The following AKAP6 variants were observed in gnomAD, a reference collection of about 807,000 sequenced individuals.
AKAP6 encodes A-kinase anchor protein 6.
Under a neutral mutation model 188.5 loss-of-function variants are expected in AKAP6, and 58 were observed. The ratio of observed to expected loss-of-function variants is 0.31; its 90% CI spans 0.25 to 0.38. AKAP6 has a LOEUF of 0.38. Ranked by LOEUF, AKAP6 falls within the 10% of genes least tolerant of loss-of-function variation. AKAP6 has a pLI of 1.00. For missense variants in AKAP6, 2,710 were observed against 2,740.0 expected (o/e 0.99, Z 0.24); for synonymous variants, 989 against 998.6 (o/e 0.99, Z 0.18).
At chr14:32,453,580 T>C (rs8006870) in intron 2 of AKAP6, among the ~76,000 whole-genome samples, 1,687 of 8,420 alleles carry the variant, frequency 0.2, 68 homozygotes, top group African/African-American at 0.47. Context: ...CTTTTCTTTT[T>C]TTTTTTTTTT....
At chr14:32,404,823 G>A (rs1276718128) in intron 1 of AKAP6, among the ~76,000 whole-genome samples, 1 of 150,128 alleles carries the variant, frequency 6.7e-6, no homozygotes, top group Non-Finnish European at 1.5e-5. Flanking sequence ...AAGTACAAAG[G>A]GTAGTGCAAT....
chr14:32,387,785 G>T (rs1221523183), intron 1 of AKAP6, among the ~76,000 whole-genome samples: 2 of 150,900 alleles, frequency 1.3e-5, no homozygotes, highest in South Asian at 2.1e-4. Context: ...GTTCATCAGG[G>T]CTATTGGTCT....
intron 2 of AKAP6, among the ~76,000 whole-genome samples, chr14:32,452,550 C>T (rs975605763): frequency 2.0e-5 from 3 of 151,958 alleles, no homozygotes; most frequent in African/African-American, 7.3e-5. Flanking sequence ...AGGCTTATAC[C>T]TGTAATTCCA....
Position 32,695,999 on chromosome 14 carries a change from C to G in AKAP6, c.2889C>G (p.Asp963Glu). 6.2e-7 allele frequency: 1 copy of G among 1,612,716 alleles called. No individual in the cohort carries two copies. Residue 963 changes from aspartate to glutamate, a missense_variant, in exon 9 of 14, where the codon GAC becomes GAG. This residue lies in a region of AKAP6 where 2,473 missense variants were observed against 2,426.1 expected (regional missense o/e 1.02). Coordinates refer to ENST00000280979, the MANE Select transcript of AKAP6 (RefSeq NM_004274.5). ...TGCGCCTTATCTTCAGGCTTCTGGACTTTGATTCAGAATATCAGGAGCTCT... is the reference window on the plus strand; with the variant it reads ...TGCGCCTTATCTTCAGGCTTCTGGAGTTTGATTCAGAATATCAGGAGCTCT... Reference protein sequence around the residue: ...VHSVGSNGLLDFDSEYQELWD... With the variant: ...VHSVGSNGLLEFDSEYQELWD...
chr14:32,829,879 A>G lies in AKAP6; in HGVS notation c.*74A>G, dbSNP rs953496510. ...CTGGCTGCAACTCAGGGGTGGCCTC[A>G]TCCTCCCGCCCTGGGCTGGCCTCTG... On this transcript the variant is annotated 3_prime_UTR_variant, in exon 14 of 14. Coordinates refer to ENST00000280979, the MANE Select transcript of AKAP6 (RefSeq NM_004274.5). The G allele has an allele frequency of 1.4e-6, 1 of 702,468 alleles. No individual in the cohort carries two copies. The highest frequency in any genetic ancestry group is 2.6e-6 in the Non-Finnish European group (1 of 384,660). 43.5% of individuals were successfully genotyped at this position (702,468 alleles called of 1,614,324 possible). A position where few individuals can be genotyped will look rare whatever the true frequency, so the allele number is the denominator to read the frequency against.
chr14:32,536,875 G>C (rs538949687), intron 3 of AKAP6, among the ~76,000 whole-genome samples: 1 of 152,262 alleles, frequency 6.6e-6, no homozygotes, highest in Non-Finnish European at 1.5e-5. Context: ...GTTGCATGTA[G>C]GGAGTGGTGG....
At chr14:32,555,223 G>A (rs1883638008) in intron 4 of AKAP6, among the ~76,000 whole-genome samples, 8 of 152,158 alleles carry the variant, frequency 5.3e-5, no homozygotes, top group Admixed American at 5.2e-4. Flanking sequence ...TGTGGTAGCA[G>A]CACAAATGTG....
rs572023777 is a variant in AKAP6 at position 32,401,904 on chromosome 14, C to T, written c.-34-31556C>T. 2.6e-5 allele frequency: 4 copies of T among 152,240 alleles called. No homozygotes were observed. The East Asian group carries it at 5.8e-4, about 22-fold the overall frequency. The allele number at this position is 152,240 out of a possible 1,614,324, so 9.4% of individuals were successfully genotyped here. On this transcript the variant is annotated intron_variant, in intron 1 of 13. Transcript: ENST00000280979. Reference sequence around the variant, plus strand: ...AGGATTGCAAAGAAAATAAAAAGGTCGCTCTCTAGGGAGTTGAACTAGCTT... The same window carrying T: ...AGGATTGCAAAGAAAATAAAAAGGTTGCTCTCTAGGGAGTTGAACTAGCTT...
chr14:32,396,728 G>A (rs1888892117), intron 1 of AKAP6, among the ~76,000 whole-genome samples: 1 of 152,112 alleles, frequency 6.6e-6, no homozygotes, highest in Non-Finnish European at 1.5e-5. Context: ...CTCACTGGGA[G>A]CCTGAGGGTG....
chr14:32,776,885 C>A (rs1223625086), intron 12 of AKAP6, among the ~76,000 whole-genome samples: 2 of 152,016 alleles, frequency 1.3e-5, no homozygotes, highest in African/African-American at 4.8e-5. Flanking sequence ...GGGCAGAGTG[C>A]CAAAGAGGAA....
intron 11 of AKAP6, among the ~76,000 whole-genome samples, chr14:32,753,701 T>C (rs1358534001): frequency 1.3e-5 from 2 of 152,168 alleles, no homozygotes; most frequent in African/African-American, 4.8e-5. Flanking sequence ...TTCTTGTATA[T>C]GGTGTGAGAT....
intron 11 of AKAP6, among the ~76,000 whole-genome samples, chr14:32,756,663 G>A (rs1453980590): frequency 1.3e-5 from 2 of 152,164 alleles, no homozygotes; most frequent in African/African-American, 4.8e-5. Flanking sequence ...GGCTATCTCT[G>A]CAGGAGCTAG....
intron 4 of AKAP6, among the ~76,000 whole-genome samples, chr14:32,574,952 T>C (rs1291003874): frequency 6.6e-6 from 1 of 152,156 alleles, no homozygotes; most frequent in Non-Finnish European, 1.5e-5. Context: ...TCTGCCCTTA[T>C]TTCTGCTCAC....
intron 12 of AKAP6, among the ~76,000 whole-genome samples, chr14:32,813,840 C>T (rs2034310815): frequency 6.6e-6 from 1 of 150,716 alleles, no homozygotes; most frequent in African/African-American, 2.4e-5. Flanking sequence ...GCAACTTATT[C>T]TTCACACACA....
At chr14:32,686,450 G>T (rs188480920) in intron 8 of AKAP6, among the ~76,000 whole-genome samples, 386 of 152,194 alleles carry the variant, frequency 2.5e-3, no homozygotes, top group Non-Finnish European at 4.3e-3. Flanking sequence ...AGTATAATTG[G>T]ATTGTTTGTA....
At chr14:32,583,174 G>A (rs1374843531) in intron 5 of AKAP6, among the ~76,000 whole-genome samples, 3 of 152,066 alleles carry the variant, frequency 2.0e-5, no homozygotes, top group South Asian at 2.1e-4. Context: ...TTTGGTGTAG[G>A]TGTCCTTTCT....
At chr14:32,542,008 G>A (rs60588258) in intron 3 of AKAP6, among the ~76,000 whole-genome samples, 7,799 of 152,122 alleles carry the variant, frequency 0.051, 243 homozygotes, top group Middle Eastern at 0.065. Context: ...AAATAATAAC[G>A]TAATAAGAGT....
chr14:32,714,026 T>G (rs2030042035), intron 9 of AKAP6, among the ~76,000 whole-genome samples: 1 of 152,046 alleles, frequency 6.6e-6, no homozygotes, highest in Non-Finnish European at 1.5e-5. Context: ...ACTTGAGTAC[T>G]TAGAGGCCAT....
chr14:32,675,570 A>G (rs1889390724), intron 7 of AKAP6, among the ~76,000 whole-genome samples: 1 of 152,208 alleles, frequency 6.6e-6, no homozygotes, highest in African/African-American at 2.4e-5. Context: ...TAGACTGGCA[A>G]AGCCATTCAA....
Sources: allele counts gnomAD v4.1 joint callset (sites outside exome capture counted in the v4.1 genomes callset), GRCh38; gene constraint gnomAD v4.1.1; regional missense constraint gnomAD v4.1.1; transcripts MANE v1.5; gene names NCBI Gene and HGNC (gene_info 2026-07-23, HGNC 2026-07-21).